Variants in DLG2 observed in about 807,000 individuals in gnomAD.
DLG2 encodes the protein disks large homolog 2.
In DLG2, 45 loss-of-function variants were observed where a neutral mutation model predicts 132.5. That is an observed-to-expected ratio of 0.34 (90% CI 0.27 to 0.44). The LOEUF is 0.44. DLG2 is among the 20% of genes least tolerant of loss of function. DLG2 has a pLI of 1.00. For synonymous variants in DLG2, 424 were observed against 419.6 expected (o/e 1.01, Z -0.13); for missense variants, 1,045 against 1,196.9 (o/e 0.87, Z 1.87).
chr11:85,423,103 G>A (rs529965474), intron 3 of DLG2, among the ~76,000 whole-genome samples: 1 of 152,152 alleles, frequency 6.6e-6, no homozygotes, highest in South Asian at 2.1e-4. Context: ...GCTGAAGGCT[G>A]TTGTTCAGAT....
intron 3 of DLG2, among the ~76,000 whole-genome samples, chr11:85,570,420 G>C (rs2077781420): frequency 6.6e-6 from 1 of 152,100 alleles, no homozygotes; most frequent in South Asian, 2.1e-4. Context: ...TTACAGTGTT[G>C]TTTGGTGTCA....
intron 6 of DLG2, among the ~76,000 whole-genome samples, chr11:84,989,235 G>C (rs1367904941): frequency 6.6e-6 from 1 of 152,158 alleles, no homozygotes; most frequent in Non-Finnish European, 1.5e-5. Context: ...GAGTGGAGTG[G>C]TGTAATCTCA....
At chr11:84,021,353 G>GAA (rs3040383) in intron 11 of DLG2, among the ~76,000 whole-genome samples, 3 of 147,906 alleles carry the variant, frequency 2.0e-5, no homozygotes, top group African/African-American at 7.4e-5. Flanking sequence ...AGCTGAGAAA[G>GAA]AAAAAAAAAA....
At chr11:84,002,885 T>C (rs2094420806) in intron 11 of DLG2, among the ~76,000 whole-genome samples, 1 of 152,230 alleles carries the variant, frequency 6.6e-6, no homozygotes, top group Admixed American at 6.5e-5. Context: ...CATTGTCAGG[T>C]TGCAAAGTTT....
At chr11:84,610,409 T>C (rs973324646) in intron 6 of DLG2, among the ~76,000 whole-genome samples, 11 of 152,094 alleles carry the variant, frequency 7.2e-5, no homozygotes, top group Non-Finnish European at 1.0e-4. Flanking sequence ...AAAAATTTTT[T>C]AAAAAACATG....
intron 6 of DLG2, among the ~76,000 whole-genome samples, chr11:84,674,043 A>T (rs1360184318): frequency 6.6e-6 from 1 of 152,194 alleles, no homozygotes; most frequent in Non-Finnish European, 1.5e-5. Context: ...AAACTCACAT[A>T]ATGTAGGGGT....
intron 11 of DLG2, among the ~76,000 whole-genome samples, chr11:83,997,599 T>C (rs2094112887): frequency 1.3e-5 from 2 of 150,218 alleles, no homozygotes. Flanking sequence ...GGCATGGTGG[T>C]GCATGCCTGT....
intron 9 of DLG2, among the ~76,000 whole-genome samples, chr11:84,123,187 T>G (rs764993138): frequency 1.8e-4 from 27 of 152,318 alleles, no homozygotes; most frequent in African/African-American, 5.5e-4. Context: ...GTTTCAACAT[T>G]TGCAAAAGGG....
intron 2 of DLG2, among the ~76,000 whole-genome samples, chr11:85,609,290 G>A (rs1203882464): frequency 2.6e-5 from 4 of 152,150 alleles, no homozygotes; most frequent in African/African-American, 9.7e-5. Context: ...GCAGATATCA[G>A]GAGAAAGCTC....
intron 8 of DLG2, among the ~76,000 whole-genome samples, chr11:84,175,933 T>A (rs559271784): frequency 1.3e-5 from 2 of 152,264 alleles, no homozygotes; most frequent in Non-Finnish European, 2.9e-5. Flanking sequence ...CCCTACCGAA[T>A]GTCTGGCCCA....
intron 7 of DLG2, among the ~76,000 whole-genome samples, chr11:84,266,929 G>A (rs1598691974): frequency 6.6e-6 from 1 of 152,348 alleles, no homozygotes; most frequent in East Asian, 1.9e-4. Flanking sequence ...GCAGAAAGTA[G>A]GAAGAGGAGA....
At chr11:85,479,836 G>C (rs1189383186) in intron 3 of DLG2, among the ~76,000 whole-genome samples, 1 of 152,166 alleles carries the variant, frequency 6.6e-6, no homozygotes, top group Admixed American at 6.5e-5. Context: ...TTGGCTTGTA[G>C]ATGGCTGTCT....
At chr11:84,022,731 A>G (rs2095429798) in intron 11 of DLG2, among the ~76,000 whole-genome samples, 1 of 152,132 alleles carries the variant, frequency 6.6e-6, no homozygotes, top group African/African-American at 2.4e-5. Context: ...AACATCAGAA[A>G]CTTTTTTTGG....
intron 6 of DLG2, among the ~76,000 whole-genome samples, chr11:85,000,556 T>C (rs1470194332): frequency 6.6e-6 from 1 of 152,154 alleles, no homozygotes; most frequent in Non-Finnish European, 1.5e-5. Context: ...ATGGATTTGG[T>C]GAATTAGGGA....
chr11:85,176,906 A>T lies in DLG2; in HGVS notation c.187-22255T>A, dbSNP rs191276509. The stretch of plus-strand genomic sequence containing the variant: ...AGAAATGAGAATCAAAACCACAATG[A>T]TATACCATTTCATGCCAGTCAGAAT... On this transcript the variant is annotated intron_variant, in intron 4 of 27. Transcript: ENST00000376104. 1.5e-3 allele frequency among the ~76,000 whole-genome samples: 232 copies of T among 152,290 alleles called. 2 individuals carry two copies. The highest frequency in any genetic ancestry group is 5.2e-3 in the African/African-American group (216 of 41,546).
intron 11 of DLG2, among the ~76,000 whole-genome samples, chr11:83,993,038 C>G (rs950135261): frequency 6.6e-6 from 1 of 152,084 alleles, no homozygotes; most frequent in Non-Finnish European, 1.5e-5. Flanking sequence ...TAGCACTGTT[C>G]TAGGTTTTTT....
At chr11:85,428,512 T>G (rs187638218) in intron 3 of DLG2, among the ~76,000 whole-genome samples, 104 of 152,344 alleles carry the variant, frequency 6.8e-4, no homozygotes, top group Admixed American at 2.3e-3. Flanking sequence ...CTGAACAACC[T>G]GCTCCTGTAT....
chr11:84,329,280 G>A (rs781624023), intron 7 of DLG2, among the ~76,000 whole-genome samples: 1 of 152,038 alleles, frequency 6.6e-6, no homozygotes, highest in Non-Finnish European at 1.5e-5. Flanking sequence ...TGGGACTTTG[G>A]TTTAGGAAAC....
chr11:84,769,450 T>C (rs1011773745), intron 6 of DLG2, among the ~76,000 whole-genome samples: 11 of 152,058 alleles, frequency 7.2e-5, no homozygotes, highest in African/African-American at 1.2e-4. Flanking sequence ...ATATTTTTAA[T>C]GAACAAAGTC....
Sources: gnomAD v4.1 joint callset for allele counts (sites outside exome capture counted in the v4.1 genomes callset) on GRCh38, gnomAD v4.1.1 for gene constraint, MANE v1.5 for transcripts, NCBI Gene and HGNC (gene_info 2026-07-23, HGNC 2026-07-21) for gene names.